Variants in NEBL observed in about 807,000 individuals in gnomAD.
NEBL encodes the protein nebulette, also known as LIM and SH3 protein 2.
NEBL carries 122 observed loss-of-function variants against 140.2 expected under a neutral mutation model. The ratio of observed to expected loss-of-function variants is 0.87; its 90% CI spans 0.75 to 1.01. NEBL has a LOEUF of 1.01. NEBL is among the 50% of genes least tolerant of loss of function. NEBL has a pLI of 0.00. For missense variants in NEBL, 1,365 were observed against 1,231.3 expected, an observed-to-expected ratio of 1.11 and a Z score of -1.62; for synonymous variants, 436 against 398.9, an observed-to-expected ratio of 1.09 and a Z score of -1.11.
At chr10:20,902,953 G>A (rs189214144) in intron 4 of NEBL, among the ~76,000 whole-genome samples, 3 of 152,196 alleles carry the variant, frequency 2.0e-5, no homozygotes, top group African/African-American at 4.8e-5. Context: ...TTCCCTTCAG[G>A]ACTATACTGT....
At chr10:20,869,650 T>C in intron 6 of NEBL, 90 bp downstream of exon 6, 1 of 845,590 alleles carries the variant, frequency 1.2e-6, no homozygotes, top group Admixed American at 1.8e-5. Context: ...GTTACACTAA[T>C]TAAATGAACC....
At chr10:20,951,994 C>A (rs1423289487) in intron 4 of NEBL, among the ~76,000 whole-genome samples, 2 of 152,146 alleles carry the variant, frequency 1.3e-5, no homozygotes, top group African/African-American at 4.8e-5. Context: ...GGCTAAACTG[C>A]TAGCACGGGA....
rs71390798 is a variant in NEBL at position 20,914,969 on chromosome 10, A to AT, written c.357+46702dup. Among the ~76,000 whole-genome samples the AT allele has an allele frequency of 2.3e-3, 256 of 111,218 alleles. 3 individuals are homozygous for AT. Among genetic ancestry groups the AT allele is most frequent in the South Asian group, 5.0e-3 (18 of 3,606 alleles). 73.0% of individuals were successfully genotyped at this position (111,218 alleles called of 152,430 possible). ...TACCTCTGCCTCCCAAGTGGCTGGG[A>AT]TTTTTTTTTTTTTTGGAGAGATGGG... On this transcript the variant is annotated intron_variant, in intron 4 of 6. Transcript: ENST00000417816.
At chr10:21,079,272 G>A (rs761314216) in intron 2 of NEBL, among the ~76,000 whole-genome samples, 10 of 152,178 alleles carry the variant, frequency 6.6e-5, no homozygotes, top group African/African-American at 9.7e-5. Flanking sequence ...ATGAGGAGGT[G>A]AAGAGGCAGT....
intron 4 of NEBL, among the ~76,000 whole-genome samples, chr10:20,951,387 CAAAA>C (rs11345723): frequency 8.5e-6 from 1 of 117,784 alleles, no homozygotes; most frequent in African/African-American, 2.9e-5. Context: ...AAAATATGAG[CAAAA>C]AAAAAAAAAG....
At position 21,258,683 on chromosome 10, in the gene NEBL, T is replaced by A. The variant is rs183063209; in HGVS notation, n.183-6855A>T. ...TCACGCCATTGCACTCCAGCCTGGG[T>A]GACAAAAGCGAAACACCATCTCAAA... is the stretch of plus-strand genomic sequence containing the variant. On this transcript the variant is annotated intron_variant and non_coding_transcript_variant, in intron 1 of 8. Transcript: ENST00000675702. Among the ~76,000 whole-genome samples, 45 of 146,308 alleles carry A rather than the reference T, an allele frequency of 3.1e-4. 1 individual carries two copies. In the East Asian group the frequency reaches 7.2e-3, roughly 24 times the overall value.
At chr10:20,792,032 A>T (rs536314508) in intron 26 of NEBL, among the ~76,000 whole-genome samples, 1 of 152,138 alleles carries the variant, frequency 6.6e-6, no homozygotes, top group East Asian at 1.9e-4. Context: ...GTGAAGCCAC[A>T]GTTAAGGTTT....
At chr10:20,927,005 G>T (rs909543623) in intron 4 of NEBL, among the ~76,000 whole-genome samples, 15 of 152,308 alleles carry the variant, frequency 9.8e-5, no homozygotes, top group Admixed American at 7.8e-4. Flanking sequence ...AATGGAGAAG[G>T]TCTGCACTAG....
intron 4 of NEBL, among the ~76,000 whole-genome samples, chr10:20,932,711 G>A (rs547185268): frequency 7.0e-4 from 107 of 152,258 alleles, no homozygotes; most frequent in African/African-American, 2.0e-3. Context: ...TTGCTATTAC[G>A]TATATTTACA....
intron 1 of NEBL, among the ~76,000 whole-genome samples, chr10:21,262,720 C>A (rs969123080): frequency 1.3e-5 from 2 of 152,182 alleles, no homozygotes; most frequent in South Asian, 4.1e-4. Flanking sequence ...TAGGGTCCGG[C>A]CCCAAGGCTG....
chr10:20,995,136 G>C (rs555503291), intron 3 of NEBL, among the ~76,000 whole-genome samples: 1 of 152,174 alleles, frequency 6.6e-6, no homozygotes, highest in African/African-American at 2.4e-5. Flanking sequence ...TGAACGTCAG[G>C]ACAGGGAAAA....
chr10:21,089,504 G>A lies in NEBL; in HGVS notation c.165-69303C>T, dbSNP rs372506360. 3.1e-4 allele frequency among the ~76,000 whole-genome samples: 47 copies of A among 152,250 alleles called. 1 individual carries two copies. The South Asian group carries it at 9.5e-3, about 31-fold the overall frequency. On this transcript the variant is annotated intron_variant, in intron 2 of 6. Transcript: ENST00000417816. Reference sequence around the variant, plus strand: ...GCACGTAGCCAAAGAGGTGGGGGGTGACACGGGTGAGTGTGGCAAGAGGGA... The same window carrying A: ...GCACGTAGCCAAAGAGGTGGGGGGTAACACGGGTGAGTGTGGCAAGAGGGA...
chr10:20,878,801 T>C (rs1285968494), intron 5 of NEBL, among the ~76,000 whole-genome samples: 1 of 152,174 alleles, frequency 6.6e-6, no homozygotes, highest in African/African-American at 2.4e-5. Context: ...GTACACAGTA[T>C]TGAATGAAGG....
chr10:21,151,833 A>T (rs679970), intron 2 of NEBL, among the ~76,000 whole-genome samples: 71,870 of 152,076 alleles, frequency 0.47, 18,648 homozygotes, highest in African/African-American at 0.69. Flanking sequence ...CTGCCCAACC[A>T]AGTGAAACTT....
intron 13 of NEBL, among the ~76,000 whole-genome samples, chr10:20,836,169 T>C (rs1281283375): frequency 6.6e-6 from 1 of 152,112 alleles, no homozygotes; most frequent in African/African-American, 2.4e-5. Flanking sequence ...TTACATGGTG[T>C]CTCGGTGTCA....
At chr10:21,232,547 G>A (rs12770644) in intron 3 of NEBL, among the ~76,000 whole-genome samples, 27,457 of 152,162 alleles carry the variant, frequency 0.18, 2,757 homozygotes, top group African/African-American at 0.25. Context: ...GATGCAGGGA[G>A]ACAGTAACAG....
intron 2 of NEBL, among the ~76,000 whole-genome samples, chr10:21,102,285 A>C (rs1475678708): frequency 6.6e-6 from 1 of 152,186 alleles, no homozygotes; most frequent in Non-Finnish European, 1.5e-5. Context: ...TAATTGGCTC[A>C]CAATATAATG....
chr10:21,050,355 A>G (rs1426231970), intron 2 of NEBL, among the ~76,000 whole-genome samples: 1 of 152,218 alleles, frequency 6.6e-6, no homozygotes, highest in Non-Finnish European at 1.5e-5. Context: ...ACACATTAAA[A>G]TCAATTCTCA....
chr10:21,254,021 G>GA (rs1842623179), intron 1 of NEBL, among the ~76,000 whole-genome samples: 1 of 152,128 alleles, frequency 6.6e-6, no homozygotes, highest in African/African-American at 2.4e-5. Context: ...TTGAAATATT[G>GA]AAAGACTTGA....
Sources: allele counts gnomAD v4.1 joint callset (sites outside exome capture counted in the v4.1 genomes callset), GRCh38; gene constraint gnomAD v4.1.1; transcripts MANE v1.5; gene names NCBI Gene and HGNC (gene_info 2026-07-23, HGNC 2026-07-21).